YAP1: variants seen among roughly 807,000 people sequenced by gnomAD.
The protein encoded by YAP1 is Yes1 associated transcriptional regulator.
A neutral mutation model predicts 56.9 loss-of-function variants in YAP1; 5 were observed. That is an observed-to-expected ratio of 0.09 (90% CI 0.05 to 0.18). The LOEUF is 0.18. YAP1 is among the 10% of genes least tolerant of loss of function. The probability of loss-of-function intolerance (pLI) is 1.00; values close to 1 mark genes in which losing one functional copy is unlikely to be tolerated. For missense variants in YAP1, 539 were observed against 651.8 expected (o/e 0.83, Z 1.88); for synonymous variants, 265 against 248.1 (o/e 1.07, Z -0.64).
At chr11:102,182,472 C>T (rs550966018) in intron 3 of YAP1, among the ~76,000 whole-genome samples, 4 of 152,244 alleles carry the variant, frequency 2.6e-5, no homozygotes, top group African/African-American at 9.6e-5. Context: ...TTTCAGAAAA[C>T]ATATCACTTT....
At chr11:102,133,370 A>G (rs529149628) in intron 2 of YAP1, among the ~76,000 whole-genome samples, 4 of 152,196 alleles carry the variant, frequency 2.6e-5, no homozygotes, top group South Asian at 4.2e-4. Context: ...ATGTCAGCTC[A>G]CTGCAGCCTC....
chr11:102,134,189 T>G (rs1165532615), intron 2 of YAP1, among the ~76,000 whole-genome samples: 1 of 152,142 alleles, frequency 6.6e-6, no homozygotes, highest in Non-Finnish European at 1.5e-5. Flanking sequence ...GTTTGAAAAA[T>G]CAGCTATTTA....
intron 2 of YAP1, among the ~76,000 whole-genome samples, chr11:102,115,465 G>A (rs945056631): frequency 2.0e-5 from 3 of 152,080 alleles, no homozygotes; most frequent in African/African-American, 7.2e-5. Context: ...TTCCAGGGTG[G>A]GTTGCTACTT....
At chr11:102,203,529 G>A (rs984488740) in intron 4 of YAP1, among the ~76,000 whole-genome samples, 1 of 152,128 alleles carries the variant, frequency 6.6e-6, no homozygotes, top group African/African-American at 2.4e-5. Flanking sequence ...TTGTTTGCTT[G>A]AAAATAATTG....
intron 2 of YAP1, among the ~76,000 whole-genome samples, chr11:102,122,861 A>T (rs1197291309): frequency 1.5e-5 from 2 of 130,138 alleles, no homozygotes; most frequent in African/African-American, 5.8e-5. Context: ...CGAGCATTGC[A>T]CTCTAGCCTG....
intron 2 of YAP1, among the ~76,000 whole-genome samples, chr11:102,122,799 C>A (rs1235960846): frequency 4.1e-5 from 6 of 145,346 alleles, no homozygotes; most frequent in African/African-American, 1.5e-4. Context: ...GAGGCAGAGG[C>A]AGGATAATCG....
chr11:102,169,910 T>C (rs1053404455), intron 3 of YAP1, among the ~76,000 whole-genome samples: 1 of 152,210 alleles, frequency 6.6e-6, no homozygotes, highest in African/African-American at 2.4e-5. Context: ...TAATAAAATA[T>C]GCCAATATGG....
intron 2 of YAP1, among the ~76,000 whole-genome samples, chr11:102,136,814 G>A (rs370626272): frequency 6.6e-6 from 1 of 152,144 alleles, no homozygotes; most frequent in East Asian, 1.9e-4. Flanking sequence ...TTGCACTTCT[G>A]TCCGTAATAG....
At chr11:102,226,786 C>CCGTTT (rs1425116023) in intron 7 of YAP1, among the ~76,000 whole-genome samples, 17 of 152,034 alleles carry the variant, frequency 1.1e-4, no homozygotes, top group Admixed American at 1.1e-3. Flanking sequence ...ATATGATTTC[C>CCGTTT]CGTTTCGTTT....
chr11:102,229,849 A>T lies in YAP1; in HGVS notation c.1424A>T (p.Gln475Leu). 6.2e-7 allele frequency: 1 copy of T among 1,614,190 alleles called. No homozygotes were observed. The change falls in exon 9 of 9, where the codon CAG (glutamine) becomes CTG (leucine). Residue 475 changes from glutamine to leucine, a missense_variant. Gln to Leu is a moderately radical substitution (Grantham distance 113). Transcript: ENST00000282441. Reference sequence around the variant, plus strand: ...GGAGAGGAGCTGATGCCAAGTCTGCAGGAAGCTTTGAGTTCTGACATCCTT... The same window carrying T: ...GGAGAGGAGCTGATGCCAAGTCTGCTGGAAGCTTTGAGTTCTGACATCCTT... ...IEGEELMPSL[Q>L]EALSSDILND...
chr11:102,194,081 A>G (rs1948447725), intron 4 of YAP1, among the ~76,000 whole-genome samples: 1 of 152,242 alleles, frequency 6.6e-6, no homozygotes, highest in Non-Finnish European at 1.5e-5. Flanking sequence ...CTGGGATTAC[A>G]GGCGTGAGCC....
At chr11:102,160,229 G>A (rs1016113168) in intron 2 of YAP1, among the ~76,000 whole-genome samples, 27 of 152,012 alleles carry the variant, frequency 1.8e-4, no homozygotes, top group Admixed American at 6.5e-4. Context: ...TTCCATGTTG[G>A]TCAGGCTGGT....
intron 1 of YAP1, chr11:102,112,539 A>C (rs1943018729): frequency 2.0e-6 from 2 of 980,516 alleles, no homozygotes; most frequent in Non-Finnish European, 2.4e-6. Context: ...CCCACTCGGG[A>C]TGTAACTTGA....
intron 2 of YAP1, among the ~76,000 whole-genome samples, chr11:102,143,288 G>A (rs997503443): frequency 1.3e-5 from 2 of 152,146 alleles, no homozygotes; most frequent in Non-Finnish European, 2.9e-5. Flanking sequence ...CACTTGCTAT[G>A]TTCCTTAAAA....
intron 2 of YAP1, among the ~76,000 whole-genome samples, chr11:102,130,602 C>T (rs1206737064): frequency 9.2e-5 from 14 of 151,734 alleles, no homozygotes; most frequent in South Asian, 2.1e-4. Flanking sequence ...GGAGTCTTGC[C>T]GTGTTGCCCA....
At chr11:102,115,996 T>C (rs1351628911) in intron 2 of YAP1, among the ~76,000 whole-genome samples, 1 of 152,232 alleles carries the variant, frequency 6.6e-6, no homozygotes, top group African/African-American at 2.4e-5. Context: ...ATGCTCTTCT[T>C]CTTAGTTCTT....
At chr11:102,211,658 C>T (rs181634275) in intron 6 of YAP1, among the ~76,000 whole-genome samples, 2 of 151,568 alleles carry the variant, frequency 1.3e-5, no homozygotes, top group Non-Finnish European at 2.9e-5. Context: ...TCTAAATAAC[C>T]TTAAGGTAGA....
At chr11:102,195,513 C>T (rs1184421461) in intron 4 of YAP1, among the ~76,000 whole-genome samples, 1 of 152,122 alleles carries the variant, frequency 6.6e-6, no homozygotes, top group Non-Finnish European at 1.5e-5. Context: ...TGAATTGTAG[C>T]TCCCATTATC....
intron 6 of YAP1, 62 bp from the exon 7 acceptor site, chr11:102,223,560 T>C: frequency 6.4e-7 from 1 of 1,564,576 alleles, no homozygotes; most frequent in Non-Finnish European, 8.7e-7. Flanking sequence ...TTTATTTCTT[T>C]AAACCTAACA....
Sources: allele counts gnomAD v4.1 joint callset (sites outside exome capture counted in the v4.1 genomes callset), GRCh38; gene constraint gnomAD v4.1.1; transcripts MANE v1.5; gene names NCBI Gene and HGNC (gene_info 2026-07-23, HGNC 2026-07-21).